CACNA1E: variants seen among roughly 807,000 people sequenced by gnomAD.
CACNA1E encodes the protein calcium voltage-gated channel subunit alpha1 E, also known as voltage-dependent R-type calcium channel subunit alpha-1E.
Under a neutral mutation model 259.2 loss-of-function variants are expected in CACNA1E, and 40 were observed. The ratio of observed to expected loss-of-function variants is 0.15; its 90% confidence interval spans 0.12 to 0.20. The LOEUF (loss-of-function observed/expected upper bound fraction) is 0.20, where lower values mean the gene tolerates loss of function less well. Among genes scored for constraint, CACNA1E ranks in the 10% least tolerant of loss-of-function variants. CACNA1E has a pLI of 1.00. For synonymous variants in CACNA1E, 1,104 were observed against 1,138.5 expected (o/e 0.97, Z 0.61); for missense variants, 1,874 against 3,040.1 (o/e 0.62, Z 9.02).
At chr1:181,545,689 T>G (rs1647373618) in intron 3 of CACNA1E, among the ~76,000 whole-genome samples, 2 of 152,234 alleles carry the variant, frequency 1.3e-5, no homozygotes, top group African/African-American at 2.4e-5. Flanking sequence ...TGCTTTACCC[T>G]GATGGACTTC....
intron 21 of CACNA1E, among the ~76,000 whole-genome samples, chr1:181,735,613 C>T (rs1161485286): frequency 1.3e-5 from 2 of 152,246 alleles, no homozygotes; most frequent in East Asian, 3.8e-4. Context: ...CCTCCCAATC[C>T]TTGGATGCAG....
intron 38 of CACNA1E, among the ~76,000 whole-genome samples, chr1:181,780,339 C>G (rs1660316836): frequency 1.3e-5 from 2 of 152,162 alleles, no homozygotes; most frequent in African/African-American, 4.8e-5. Flanking sequence ...TGAGTAGGAC[C>G]TCCCTGCTCA....
chr1:181,371,789 C>A (rs1654725888), intron 1 of CACNA1E, among the ~76,000 whole-genome samples: 1 of 152,200 alleles, frequency 6.6e-6, no homozygotes, highest in Non-Finnish European at 1.5e-5. Context: ...GATCTAGATT[C>A]AATCTTCTGC....
intron 2 of CACNA1E, among the ~76,000 whole-genome samples, chr1:181,462,550 T>A (rs1221414714): frequency 1.3e-5 from 2 of 152,222 alleles, no homozygotes; most frequent in Non-Finnish European, 2.9e-5. Context: ...ATATTTGCCA[T>A]ATTTGCTTCA....
intron 2 of CACNA1E, among the ~76,000 whole-genome samples, chr1:181,464,054 T>C (rs896268851): frequency 1.3e-5 from 2 of 152,160 alleles, no homozygotes; most frequent in African/African-American, 4.8e-5. Context: ...CACCATTTAG[T>C]GAGTAGGCAA....
chr1:181,647,823 CG>C (rs1380998332), intron 6 of CACNA1E, among the ~76,000 whole-genome samples: 1 of 152,076 alleles, frequency 6.6e-6, no homozygotes, highest in African/African-American at 2.4e-5. Context: ...GTCACTGACC[CG>C]TGGACAAACA....
chr1:181,738,027 G>A (rs1459545757), intron 23 of CACNA1E, among the ~76,000 whole-genome samples: 2 of 152,232 alleles, frequency 1.3e-5, no homozygotes, highest in African/African-American at 2.4e-5. Flanking sequence ...TGAGGGACGC[G>A]AGGAGGACAG....
At chr1:181,372,305 A>T (rs2262499) in intron 1 of CACNA1E, among the ~76,000 whole-genome samples, 83,024 of 151,776 alleles carry the variant, frequency 0.55, 24,313 homozygotes, top group African/African-American at 0.77. Flanking sequence ...ATTGTAGTGA[A>T]CTTTCACCTC....
At chr1:181,655,682 G>C (rs1047132156) in intron 7 of CACNA1E, among the ~76,000 whole-genome samples, 7 of 152,196 alleles carry the variant, frequency 4.6e-5, no homozygotes, top group Non-Finnish European at 8.8e-5. Flanking sequence ...AAGAGGAATT[G>C]ATTCCCAGGG....
Position 181,798,361 on chromosome 1 carries a change from C to G in CACNA1E, c.6469C>G (p.Arg2157Gly). 6.2e-7 allele frequency: 1 copy of G among 1,611,714 alleles called. No individual in the cohort carries two copies. The highest frequency in any genetic ancestry group is 1.1e-5 in the South Asian group (1 of 91,054). The change falls in exon 48 of 48, where the codon CGG becomes GGG. Residue 2157 changes from arginine to glycine, a missense_variant. By Grantham distance (125) the Arg-to-Gly change is moderately radical. Coordinates refer to ENST00000367573, the MANE Select transcript of CACNA1E (RefSeq NM_001205293.3). The surrounding 1 kb of genome is among the most constrained non-coding windows in gnomAD (Gnocchi z 4.2). ...CACCAGCACCCCAAGAAGAAGTCGT[C>G]GGCAGCTCCCACCCGTCCCGCCAAA... The part of the protein sequence containing the change: ...SDTSTPRRSR[R>G]QLPPVPPKPR...
intron 2 of CACNA1E, among the ~76,000 whole-genome samples, chr1:181,414,661 C>G (rs888446872): frequency 6.6e-6 from 1 of 152,166 alleles, no homozygotes. Context: ...AAGCACCTTA[C>G]ATATATCCAC....
intron 6 of CACNA1E, among the ~76,000 whole-genome samples, chr1:181,587,917 C>T (rs1187653758): frequency 6.6e-6 from 1 of 152,176 alleles, no homozygotes; most frequent in Non-Finnish European, 1.5e-5. Flanking sequence ...AAGAAATGTA[C>T]TCTTGAATCT....
intron 7 of CACNA1E, among the ~76,000 whole-genome samples, chr1:181,659,895 C>T (rs890355385): frequency 6.6e-6 from 1 of 152,182 alleles, no homozygotes; most frequent in South Asian, 2.1e-4. Flanking sequence ...GTGTACACTA[C>T]GTAGCTTCTA....
chr1:181,379,536 G>A (rs1655322075), intron 1 of CACNA1E, among the ~76,000 whole-genome samples: 1 of 152,126 alleles, frequency 6.6e-6, no homozygotes, highest in Non-Finnish European at 1.5e-5. Flanking sequence ...TTGCAATTTG[G>A]TAGGCTGGTA....
intron 2 of CACNA1E, among the ~76,000 whole-genome samples, chr1:181,431,091 T>A (rs6424809): frequency 0.4 from 60,591 of 151,670 alleles, 12,367 homozygotes; most frequent in African/African-American, 0.46. Flanking sequence ...CCTCTCAATT[T>A]TTTTTAGGAA....
chr1:181,542,009 C>T (rs956634705), intron 3 of CACNA1E, among the ~76,000 whole-genome samples: 14 of 152,156 alleles, frequency 9.2e-5, no homozygotes, highest in Non-Finnish European at 5.9e-5. Flanking sequence ...TCTTGGATCA[C>T]TTGCTTGGTG....
chr1:181,412,668 G>A (rs1243135179), intron 1 of CACNA1E, among the ~76,000 whole-genome samples: 1 of 152,180 alleles, frequency 6.6e-6, no homozygotes, highest in African/African-American at 2.4e-5. Flanking sequence ...GTGGGCCCTG[G>A]GGAAGGGGTT....
chr1:181,428,544 G>A (rs551380292), intron 2 of CACNA1E, among the ~76,000 whole-genome samples: 1 of 152,274 alleles, frequency 6.6e-6, no homozygotes, highest in South Asian at 2.1e-4. Flanking sequence ...GTAGGGGAGA[G>A]AAACAGGCTG....
intron 30 of CACNA1E, among the ~76,000 whole-genome samples, chr1:181,757,559 G>A (rs143744294): frequency 6.6e-6 from 1 of 152,058 alleles, no homozygotes; most frequent in African/African-American, 2.4e-5. Context: ...TTATTTTTTC[G>A]ATGGAACTGA....
Sources: allele counts gnomAD v4.1 joint callset (sites outside exome capture counted in the v4.1 genomes callset), GRCh38; gene constraint gnomAD v4.1.1; non-coding constraint Gnocchi (gnomAD v3.1); transcripts MANE v1.5; gene names NCBI Gene and HGNC (gene_info 2026-07-23, HGNC 2026-07-21).